CDK13: variants seen among roughly 807,000 people sequenced by gnomAD.
CDK13 encodes cyclin-dependent kinase 13.
In CDK13, 40 loss-of-function variants were observed where a neutral mutation model predicts 137.6. The observed-to-expected ratio is 0.29, with a 90% confidence interval of 0.23 to 0.38. The LOEUF is 0.38. Ranked by LOEUF, CDK13 falls within the 10% of genes least tolerant of loss-of-function variation. CDK13 has a pLI of 1.00. For missense variants in CDK13, 1,704 were observed against 1,951.8 expected, an observed-to-expected ratio of 0.87 and a Z score of 2.39; for synonymous variants, 869 against 760.1, an observed-to-expected ratio of 1.14 and a Z score of -2.36.
chr7:40,017,210 G>A (rs182683194), intron 5 of CDK13, among the ~76,000 whole-genome samples: 19 of 152,198 alleles, frequency 1.2e-4, no homozygotes, highest in African/African-American at 4.3e-4. Context: ...CCATATAGAT[G>A]AATATTTCGG....
intron 1 of CDK13, among the ~76,000 whole-genome samples, chr7:39,983,599 A>G (rs1784275369): frequency 6.6e-6 from 1 of 152,190 alleles, no homozygotes. Context: ...AATATAGTTT[A>G]TGTGTCTGAA....
intron 5 of CDK13, among the ~76,000 whole-genome samples, chr7:40,041,054 A>G (rs33999222): frequency 0.54 from 82,609 of 152,088 alleles, 24,417 homozygotes; most frequent in African/African-American, 0.79. Context: ...ACCCAGGCAC[A>G]GTGGCTCGTG....
chr7:40,088,118 T>C lies in CDK13; in HGVS notation c.3030-8T>C. Reference sequence around the variant, plus strand: ...CCATTTACAATTTAATTCCTTTTTTTTTTTCAGTCTCCCTTTATGGCAAGA... The same window carrying C: ...CCATTTACAATTTAATTCCTTTTTTCTTTTCAGTCTCCCTTTATGGCAAGA... On this transcript the variant is annotated splice_polypyrimidine_tract_variant and splice_region_variant and intron_variant, in intron 11 of 13. Transcript: ENST00000181839. The C allele has an allele frequency of 6.2e-7, 1 of 1,608,758 alleles. No individual in the cohort carries two copies.
At chr7:40,085,844 AT>A (rs1164424729) in intron 11 of CDK13, 1 of 152,194 alleles carries the variant, frequency 6.6e-6, no homozygotes, top group African/African-American at 2.4e-5. Context: ...GCTCTCTTTT[AT>A]TTATTTTAGT....
At chr7:40,035,584 T>A (rs985895711) in intron 5 of CDK13, among the ~76,000 whole-genome samples, 4 of 151,900 alleles carry the variant, frequency 2.6e-5, no homozygotes. Flanking sequence ...TGTCTGATGA[T>A]CTGTCACTGT....
At chr7:40,057,487 T>C (rs1235577005) in intron 7 of CDK13, among the ~76,000 whole-genome samples, 1 of 152,166 alleles carries the variant, frequency 6.6e-6, no homozygotes, top group African/African-American at 2.4e-5. Context: ...CACGTGCTTA[T>C]GTTCCACTGG....
Position 40,068,792 on chromosome 7 carries a change from A to G in CDK13, c.2780+5692A>G, listed in dbSNP as rs1041113436. On this transcript the variant is annotated intron_variant, in intron 9 of 13. Coordinates refer to ENST00000181839, the MANE Select transcript of CDK13 (RefSeq NM_003718.5). ...GCAGCATGAATAGTTACAGAAGGCTATATTGAGATTGATCTCATTTAGGTA... is the reference window on the plus strand; with the variant it reads ...GCAGCATGAATAGTTACAGAAGGCTGTATTGAGATTGATCTCATTTAGGTA... Among the ~76,000 whole-genome samples, 5 of 151,910 alleles carry G rather than the reference A, an allele frequency of 3.3e-5. 1 individual carries two copies. Among genetic ancestry groups the G allele is most frequent in the Middle Eastern group, 3.4e-3 (1 of 294 alleles).
At chr7:40,086,627 T>C (rs1193979344) in intron 11 of CDK13, among the ~76,000 whole-genome samples, 1 of 152,202 alleles carries the variant, frequency 6.6e-6, no homozygotes, top group Non-Finnish European at 1.5e-5. Flanking sequence ...GTGGGCAGTT[T>C]TGATAGTTGT....
chr7:40,087,323 G>A (rs1786810964), intron 11 of CDK13, among the ~76,000 whole-genome samples: 1 of 151,504 alleles, frequency 6.6e-6, no homozygotes, highest in African/African-American at 2.4e-5. Flanking sequence ...TTGTATTTTT[G>A]GCAAAGACAG....
chr7:40,084,134 C>T (rs1047064451), intron 11 of CDK13, among the ~76,000 whole-genome samples: 7 of 152,062 alleles, frequency 4.6e-5, no homozygotes, highest in East Asian at 1.9e-4. Flanking sequence ...CACTTGAGGC[C>T]GGGAGTTCAA....
Position 39,951,813 on chromosome 7 carries a change from G to A in CDK13, c.1172G>A (p.Ser391Asn), listed in dbSNP as rs142221015. The part of the protein sequence containing the change: ...DVSPSPYSSS[S>N]WRRSRSPYSP... Reference sequence around the variant, plus strand: ...TCCCCTAGTCCCTACAGCAGCAGCAGCTGGCGCCGCTCTCGCAGTCCCTAC... The same window carrying A: ...TCCCCTAGTCCCTACAGCAGCAGCAACTGGCGCCGCTCTCGCAGTCCCTAC... The change falls in exon 1 of 14, where the codon AGC (serine) becomes AAC (asparagine). Residue 391 changes from serine (S) to asparagine (N), a missense_variant. Ser to Asn is a conservative substitution (Grantham distance 46). This residue lies in a region of CDK13 where 1,051 missense variants were observed against 931.0 expected (regional missense o/e 1.13). Coordinates refer to ENST00000181839, the MANE Select transcript of CDK13 (RefSeq NM_003718.5). 1 of 1,453,430 alleles carries A rather than the reference G, an allele frequency of 6.9e-7. No individual in the cohort carries two copies. Among genetic ancestry groups the A allele is most frequent in the Non-Finnish European group, 9.0e-7 (1 of 1,112,202 alleles). The allele number at this position is 1,453,430 out of a possible 1,614,324, so 90.0% of individuals were successfully genotyped here.
chr7:40,088,110 C>T lies in CDK13; in HGVS notation c.3030-16C>T. 2 of 1,590,750 alleles carry T rather than the reference C, an allele frequency of 1.3e-6. No homozygotes were observed. Among genetic ancestry groups the T allele is most frequent in the Admixed American group, 3.4e-5 (2 of 58,308 alleles). On this transcript the variant is annotated splice_polypyrimidine_tract_variant and intron_variant, in intron 11 of 13. Coordinates refer to ENST00000181839, the MANE Select transcript of CDK13 (RefSeq NM_003718.5). Reference sequence around the variant, plus strand: ...AAGAAATGCCATTTACAATTTAATTCCTTTTTTTTTTTCAGTCTCCCTTTA... The same window carrying T: ...AAGAAATGCCATTTACAATTTAATTTCTTTTTTTTTTTCAGTCTCCCTTTA...
At position 40,003,204 on chromosome 7, in the gene CDK13, A is replaced by ACTCTCT. The variant is rs1247909926; in HGVS notation, c.2353+1174_2353+1175insTCTCTC. Among the ~76,000 whole-genome samples, 440 of 81,206 alleles carry ACTCTCT rather than the reference A, an allele frequency of 5.4e-3. 1 individual carries two copies. Among genetic ancestry groups the ACTCTCT allele is most frequent in the African/African-American group, 0.018 (396 of 22,278 alleles). 53.3% of individuals were successfully genotyped at this position (81,206 alleles called of 152,430 possible). On this transcript the variant is annotated intron_variant, in intron 5 of 13. Transcript: ENST00000181839. ...CACACACACACACACACACACACAC[A>ACTCTCT]CACTCTCTCTCTCTCTCTCTCTTAC...
At chr7:39,992,045 C>G (rs1340937278) in intron 2 of CDK13, among the ~76,000 whole-genome samples, 1 of 151,196 alleles carries the variant, frequency 6.6e-6, no homozygotes, top group Non-Finnish European at 1.5e-5. Flanking sequence ...GAGTGAGACC[C>G]TGTCTCAAAA....
intron 1 of CDK13, among the ~76,000 whole-genome samples, chr7:39,977,681 G>A (rs567377843): frequency 2.6e-5 from 4 of 152,288 alleles, no homozygotes; most frequent in South Asian, 4.1e-4. Flanking sequence ...TTATATGCAA[G>A]TCAAGCAGGG....
intron 2 of CDK13, among the ~76,000 whole-genome samples, chr7:39,996,883 G>C (rs1013409968): frequency 5.8e-5 from 8 of 138,502 alleles, no homozygotes; most frequent in African/African-American, 2.1e-4. Context: ...ATAATCGCTT[G>C]AACCCAGGAG....
intron 5 of CDK13, among the ~76,000 whole-genome samples, chr7:40,044,258 G>T (rs1785683713): frequency 6.6e-6 from 1 of 151,178 alleles, no homozygotes; most frequent in African/African-American, 2.4e-5. Flanking sequence ...TTTTTCTATT[G>T]TGAAGTCATT....
At chr7:39,976,850 C>T (rs17496254) in intron 1 of CDK13, among the ~76,000 whole-genome samples, 6,050 of 151,994 alleles carry the variant, frequency 0.04, 360 homozygotes, top group African/African-American at 0.13. Flanking sequence ...AAATTGAGGA[C>T]GAGGGGACTG....
Position 40,089,723 on chromosome 7 carries a change from AGTGT to A in CDK13, c.3235+1421_3235+1424del, listed in dbSNP as rs142023627. On this transcript the variant is annotated intron_variant, in intron 12 of 13. Transcript: ENST00000181839. ...TAGAGAGAGAGAGAGAGAGAGAGAG[AGTGT>A]GTGTGTGTGTGTGTGTGTGTGTGTG... 2.6e-3 allele frequency among the ~76,000 whole-genome samples: 331 copies of A among 125,202 alleles called. 3 individuals carry two copies. The highest frequency in any genetic ancestry group is 3.3e-3 in the East Asian group (16 of 4,856). The allele number at this position is 125,202 out of a possible 152,430, so 82.1% of individuals were successfully genotyped here.
Sources: allele counts gnomAD v4.1 joint callset (sites outside exome capture counted in the v4.1 genomes callset), GRCh38; gene constraint gnomAD v4.1.1; regional missense constraint gnomAD v4.1.1; transcripts MANE v1.5; gene names NCBI Gene and HGNC (gene_info 2026-07-23, HGNC 2026-07-21).